UBLCP1: variants seen among roughly 807,000 people sequenced by gnomAD.
UBLCP1 encodes ubiquitin like domain containing CTD phosphatase 1, also known as ubiquitin-like domain-containing CTD phosphatase 1.
Under a neutral mutation model 42.4 loss-of-function variants are expected in UBLCP1, and 28 were observed. The ratio of observed to expected loss-of-function variants is 0.66; its 90% CI spans 0.49 to 0.90. The LOEUF (loss-of-function observed/expected upper bound fraction) is 0.90, where lower values mean the gene tolerates loss of function less well. UBLCP1 is among the 40% of genes least tolerant of loss of function. UBLCP1 has a pLI of 0.00. For missense variants in UBLCP1, 279 were observed against 374.5 expected (o/e 0.75, Z 2.10); for synonymous variants, 122 against 120.8 (o/e 1.01, Z -0.07).
At chr5:159,278,067 A>G (rs1267324172) in intron 8 of UBLCP1, among the ~76,000 whole-genome samples, 171 bp from the exon 9 acceptor site, 1 of 152,226 alleles carries the variant, frequency 6.6e-6, no homozygotes, top group Non-Finnish European at 1.5e-5. Flanking sequence ...TAATATTGCA[A>G]AATGCATTGT....
rs1166393464 is a variant in UBLCP1 at position 159,270,350 on chromosome 5, A to G, written c.247-10A>G. The G allele has an allele frequency of 3.1e-6, 5 of 1,607,070 alleles. No individual in the cohort carries two copies. The highest frequency in any genetic ancestry group is 2.2e-5 in the South Asian group (2 of 90,108). Reference sequence around the variant, plus strand: ...AATATGGTAGAACAAAACTTTTTCCATCTTAATAGGAAGATGTCTTAGGTC... The same window carrying G: ...AATATGGTAGAACAAAACTTTTTCCGTCTTAATAGGAAGATGTCTTAGGTC... On this transcript the variant is annotated splice_polypyrimidine_tract_variant and intron_variant, in intron 3 of 10. Transcript: ENST00000296786.
chr5:159,274,888 T>G (rs916420220), intron 7 of UBLCP1, among the ~76,000 whole-genome samples: 2 of 152,224 alleles, frequency 1.3e-5, no homozygotes, highest in African/African-American at 4.8e-5. Flanking sequence ...ATTTTCCTTC[T>G]TTTGCTCTAG....
chr5:159,284,830 T>C, intron 10 of UBLCP1, 74 bp from the exon 11 acceptor site: 1 of 1,527,592 alleles, frequency 6.5e-7, no homozygotes, highest in Non-Finnish European at 9.1e-7. Context: ...ACAAACTCCT[T>C]TGGGAGCAAA....
chr5:159,279,368 G>A (rs1753578899), intron 9 of UBLCP1, among the ~76,000 whole-genome samples: 1 of 152,108 alleles, frequency 6.6e-6, no homozygotes, highest in Non-Finnish European at 1.5e-5. Context: ...AAAGTTTCTG[G>A]TACCCATAGT....
Position 159,283,194 on chromosome 5 carries a change from A to G in UBLCP1, c.802-18A>G. 6.3e-7 allele frequency: 1 copy of G among 1,596,558 alleles called. No individual in the cohort carries two copies. ...TTATCACATTGTGATGTGTTGAGTA[A>G]TGTTTGTTTCCTAATAGATAAGGCC... is the stretch of plus-strand genomic sequence containing the variant. On this transcript the variant is annotated intron_variant, in intron 9 of 10. Transcript: ENST00000296786.
intron 5 of UBLCP1, 57 bp downstream of exon 5, chr5:159,270,700 T>C: frequency 8.5e-7 from 1 of 1,170,714 alleles, no homozygotes; most frequent in Admixed American, 2.8e-5. Flanking sequence ...TCTTTTTTTC[T>C]TTTCTTTGTT....
In UBLCP1 at chr5:159,278,279, T is replaced by G. The variant is rs1449255305; in HGVS notation, c.726T>G (p.Phe242Leu). The G allele has an allele frequency of 1.9e-6, 3 of 1,613,820 alleles. No homozygotes were observed. The highest frequency in any genetic ancestry group is 2.5e-6 in the Non-Finnish European group (3 of 1,179,918). The change falls in exon 9 of 11, where the codon TTT becomes TTG. Residue 242 changes from phenylalanine to leucine, a missense_variant. Phe to Leu is a conservative substitution (Grantham distance 22). Coordinates refer to ENST00000296786, the MANE Select transcript of UBLCP1 (RefSeq NM_145049.5). ...TTATATGGGGAAAGTTTTCGGAGTT[T>G]TACAGCAAGAAAAACACCATTATGT... ...LGVIWGKFSE[F>L]YSKKNTIMFD...
At chr5:159,280,374 C>G (rs536979191) in intron 9 of UBLCP1, among the ~76,000 whole-genome samples, 1 of 152,288 alleles carries the variant, frequency 6.6e-6, no homozygotes, top group Admixed American at 6.5e-5. Flanking sequence ...ATGATCAGAG[C>G]TCATTGCAGC....
At chr5:159,278,475 G>A (rs1226523230) in intron 9 of UBLCP1, 121 bp downstream of exon 9, 9 of 751,122 alleles carry the variant, frequency 1.2e-5, no homozygotes, top group African/African-American at 3.5e-5. Flanking sequence ...TGTCATAGGC[G>A]AGAAAAGTTT....
intron 3 of UBLCP1, 82 bp from the exon 4 acceptor site, chr5:159,270,278 C>T (rs781163301): frequency 1.7e-6 from 2 of 1,161,596 alleles, no homozygotes; most frequent in Non-Finnish European, 2.5e-6. Context: ...CAAATTGTAT[C>T]TCTCATTTTA....
intron 2 of UBLCP1, among the ~76,000 whole-genome samples, 175 bp downstream of exon 2, chr5:159,269,244 A>C (rs182543934): frequency 4.6e-3 from 705 of 152,300 alleles, no homozygotes; most frequent in Non-Finnish European, 7.2e-3. Context: ...TAGTGGTAAA[A>C]GTAAGAATAT....
At chr5:159,270,716 T>G (rs1562098840) in intron 5 of UBLCP1, 73 bp downstream of exon 5, 3 of 1,015,944 alleles carry the variant, frequency 3.0e-6, no homozygotes, top group Non-Finnish European at 4.2e-6. Context: ...TTGTTTTTTT[T>G]TTTTCTTAGC....
At position 159,278,665 on chromosome 5, in the gene UBLCP1, TG is replaced by T. The variant is rs1450077815; in HGVS notation, c.801+314del. 2.0e-5 allele frequency among the ~76,000 whole-genome samples: 3 copies of T among 152,078 alleles called. No homozygotes were observed. In the East Asian group the frequency reaches 5.8e-4, roughly 29 times the overall value. The stretch of plus-strand genomic sequence containing the variant: ...TCGGCTCGCTGCAATCTCCACCTCC[TG>T]GGTTCAAGTGATTCTCCTGCCTCAG... On this transcript the variant is annotated intron_variant, in intron 9 of 10. Coordinates refer to ENST00000296786, the MANE Select transcript of UBLCP1 (RefSeq NM_145049.5).
At chr5:159,263,833 C>T (rs1444831135) in intron 1 of UBLCP1, among the ~76,000 whole-genome samples, 2 of 152,202 alleles carry the variant, frequency 1.3e-5, no homozygotes, top group African/African-American at 4.8e-5. Context: ...TGAAAGTTAA[C>T]CTCCCGTTAA....
intron 1 of UBLCP1, among the ~76,000 whole-genome samples, chr5:159,263,920 A>G (rs1753340540): frequency 6.6e-6 from 1 of 152,216 alleles, no homozygotes; most frequent in African/African-American, 2.4e-5. Context: ...GTCCCGGGCA[A>G]GTTTAATTTC....
At chr5:159,276,517 T>A (rs1753539300) in intron 8 of UBLCP1, among the ~76,000 whole-genome samples, 1 of 152,208 alleles carries the variant, frequency 6.6e-6, no homozygotes, top group African/African-American at 2.4e-5. Flanking sequence ...CATTAAAAAT[T>A]ACTTAGGGAA....
intron 1 of UBLCP1, among the ~76,000 whole-genome samples, chr5:159,266,016 A>G (rs1346761770): frequency 6.6e-6 from 1 of 152,174 alleles, no homozygotes; most frequent in Non-Finnish European, 1.5e-5. Flanking sequence ...AAAACAGACT[A>G]ATACGGTAAA....
intron 6 of UBLCP1, among the ~76,000 whole-genome samples, chr5:159,273,906 T>G (rs1274726236): frequency 6.6e-6 from 1 of 152,032 alleles, no homozygotes; most frequent in East Asian, 1.9e-4. Context: ...TTTTTAAACA[T>G]TTTACTTGGT....
At chr5:159,267,057 A>G (rs1468916086) in intron 1 of UBLCP1, among the ~76,000 whole-genome samples, 1 of 152,176 alleles carries the variant, frequency 6.6e-6, no homozygotes, top group Non-Finnish European at 1.5e-5. Flanking sequence ...TGGAGCTGAG[A>G]GAAGAGGGCC....
Sources: gnomAD v4.1 joint callset for allele counts (sites outside exome capture counted in the v4.1 genomes callset) on GRCh38, gnomAD v4.1.1 for gene constraint, MANE v1.5 for transcripts, NCBI Gene and HGNC (gene_info 2026-07-23, HGNC 2026-07-21) for gene names.